SH3BGRL: variants seen among roughly 807,000 people sequenced by gnomAD.
SH3BGRL encodes SH3 domain binding glutamate rich protein like, also known as adapter SH3BGRL.
A neutral mutation model predicts 9.8 loss-of-function variants in SH3BGRL; 7 were observed. That is an observed-to-expected ratio of 0.72 (90% confidence interval 0.41 to 1.35). The LOEUF is 1.35. Ranked by LOEUF, SH3BGRL falls within the 40% of genes most tolerant of loss-of-function variation. The pLI is 0.01. For synonymous variants in SH3BGRL, 36 were observed against 29.1 expected (o/e 1.24, Z -0.76); for missense variants, 73 against 84.4 (o/e 0.86, Z 0.53).
intron 1 of SH3BGRL, among the ~76,000 whole-genome samples, chrX:81,208,061 C>G (rs1246076402): frequency 1.8e-5 from 2 of 111,212 alleles, no homozygotes; most frequent in Admixed American, 1.9e-4. Context: ...TCAAGACCAG[C>G]CTGGCTAACA....
At chrX:81,241,641 C>T (rs2075670097) in intron 1 of SH3BGRL, among the ~76,000 whole-genome samples, 1 of 111,985 alleles carries the variant, frequency 8.9e-6, no homozygotes, top group African/African-American at 3.3e-5. Flanking sequence ...CTGGCTGAAA[C>T]ATGCACCCCT....
intron 3 of SH3BGRL, among the ~76,000 whole-genome samples, chrX:81,283,742 C>T (rs1443218728): frequency 1.8e-5 from 2 of 110,814 alleles, no homozygotes; most frequent in Non-Finnish European, 3.8e-5. Context: ...GAAAACATTC[C>T]CACTGAGAAC....
intron 1 of SH3BGRL, among the ~76,000 whole-genome samples, chrX:81,258,081 A>T (rs1038340064): frequency 9.0e-6 from 1 of 111,279 alleles, no homozygotes; most frequent in Non-Finnish European, 1.9e-5. Flanking sequence ...TTTAAAAAAT[A>T]TACACAGTTC....
At chrX:81,285,160 C>T (rs1319384875) in intron 3 of SH3BGRL, among the ~76,000 whole-genome samples, 1 of 111,103 alleles carries the variant, frequency 9.0e-6, no homozygotes, top group Non-Finnish European at 1.9e-5. Flanking sequence ...GAGTTTTCCC[C>T]TTTAACAGGA....
intron 1 of SH3BGRL, among the ~76,000 whole-genome samples, chrX:81,248,831 G>C (rs1199605527): frequency 1.8e-5 from 2 of 111,821 alleles, no homozygotes; most frequent in Non-Finnish European, 3.8e-5. Context: ...CTGTCCATTG[G>C]CCTGGGTTGC....
intron 1 of SH3BGRL, among the ~76,000 whole-genome samples, chrX:81,207,967 A>G (rs1462872759): frequency 9.0e-6 from 1 of 111,660 alleles, no homozygotes; most frequent in Non-Finnish European, 1.9e-5. Flanking sequence ...TAAAAGATTA[A>G]TTATCTGGGC....
intron 1 of SH3BGRL, among the ~76,000 whole-genome samples, chrX:81,242,496 A>C (rs760814378): frequency 2.0e-4 from 22 of 112,270 alleles, no homozygotes; most frequent in Non-Finnish European, 3.2e-4. Flanking sequence ...GAAACTCTTT[A>C]GGATATTGGT....
Position 81,224,569 on chromosome X carries a change from G to A in SH3BGRL, c.45+22324G>A, listed in dbSNP as rs755149792. On this transcript the variant is annotated intron_variant, in intron 1 of 3. Transcript: ENST00000373212. ...GAAGACAAGCTGAGGCACAAGTTAC[G>A]TGCTTAACCCAAAACCATATAATTG... Among the ~76,000 whole-genome samples the A allele has an allele frequency of 4.6e-5, 5 of 108,034 alleles. No homozygotes were observed. The East Asian group carries it at 1.4e-3, about 31-fold the overall frequency. 93.8% of individuals were successfully genotyped at this position (108,034 alleles called of 115,157 possible).
At chrX:81,294,499 T>A (rs1279811847) in intron 3 of SH3BGRL, among the ~76,000 whole-genome samples, 1 of 110,231 alleles carries the variant, frequency 9.1e-6, no homozygotes, top group Non-Finnish European at 1.9e-5. Flanking sequence ...AATTGAGGTT[T>A]GGGAATCTCT....
chrX:81,252,520 A>G (rs922470672), intron 1 of SH3BGRL, among the ~76,000 whole-genome samples: 6 of 111,628 alleles, frequency 5.4e-5, no homozygotes, highest in Non-Finnish European at 9.4e-5. Context: ...CTTTTTAGTA[A>G]AGGGGTATTC....
chrX:81,269,222 G>C (rs778575717), intron 1 of SH3BGRL, among the ~76,000 whole-genome samples: 1 of 111,568 alleles, frequency 9.0e-6, no homozygotes, highest in South Asian at 3.8e-4. Context: ...TTACATTTAA[G>C]GTTAATATTG....
At position 81,255,987 on chromosome X, in the gene SH3BGRL, A is replaced by T. The variant is rs184881884; in HGVS notation, c.46-20997A>T. Among the ~76,000 whole-genome samples the T allele has an allele frequency of 2.8e-4, 32 of 112,330 alleles. No individual in the cohort carries two copies. The East Asian group carries it at 6.2e-3, about 22-fold the overall frequency. The stretch of plus-strand genomic sequence containing the variant: ...AGGAGTTGCATTTCTGAGAATTTTC[A>T]TGTGTGTTTCTATGGGTATTATTAG... On this transcript the variant is annotated intron_variant, in intron 1 of 3. Transcript: ENST00000373212.
At chrX:81,248,365 C>A (rs888175583) in intron 1 of SH3BGRL, among the ~76,000 whole-genome samples, 2 of 112,103 alleles carry the variant, frequency 1.8e-5, no homozygotes, top group African/African-American at 6.5e-5. Context: ...TTGTAGAGGA[C>A]CCTGCTGTGC....
intron 1 of SH3BGRL, among the ~76,000 whole-genome samples, chrX:81,238,628 C>T (rs2075656524): frequency 9.0e-6 from 1 of 111,435 alleles, no homozygotes; most frequent in Non-Finnish European, 1.9e-5. Context: ...AATTGTAAAG[C>T]CCCAGGGTTT....
chrX:81,282,087 G>T (rs369058074), intron 3 of SH3BGRL, among the ~76,000 whole-genome samples: 1 of 111,980 alleles, frequency 8.9e-6, no homozygotes, highest in Non-Finnish European at 1.9e-5. Context: ...GACAAAGAGG[G>T]ACATTATATA....
intron 1 of SH3BGRL, among the ~76,000 whole-genome samples, chrX:81,264,938 TAAA>T (rs1226185343): frequency 9.1e-6 from 1 of 109,961 alleles, no homozygotes; most frequent in Non-Finnish European, 1.9e-5. Context: ...AAGAAGTGGA[TAAA>T]GTTATTCAGA....
chrX:81,291,998 G>A (rs1387739959), intron 3 of SH3BGRL, among the ~76,000 whole-genome samples: 2 of 112,028 alleles, frequency 1.8e-5, no homozygotes, highest in East Asian at 5.7e-4. Flanking sequence ...TCATGGGCTG[G>A]TGATGAGTGC....
chrX:81,253,002 T>C (rs1014173556), intron 1 of SH3BGRL, among the ~76,000 whole-genome samples: 8 of 112,441 alleles, frequency 7.1e-5, no homozygotes, highest in Admixed American at 3.8e-4. Context: ...AAGGATTCTA[T>C]GTTATTTTCT....
chrX:81,205,442 GTGTGTGTATATATA>G (rs1228654702), intron 1 of SH3BGRL, among the ~76,000 whole-genome samples: 1 of 100,357 alleles, frequency 1.0e-5, no homozygotes, highest in Admixed American at 1.1e-4. Flanking sequence ...ATTTTATTTT[GTGTGTGTATATATA>G]TGTGTGTATA....
Sources: gnomAD v4.1 joint callset for allele counts (sites outside exome capture counted in the v4.1 genomes callset) on GRCh38, gnomAD v4.1.1 for gene constraint, MANE v1.5 for transcripts, NCBI Gene and HGNC (gene_info 2026-07-23, HGNC 2026-07-21) for gene names.